Variants in BCL11B observed in about 807,000 individuals in gnomAD.
BCL11B encodes the protein B-cell lymphoma/leukemia 11B.
Under a neutral mutation model 49.9 loss-of-function variants are expected in BCL11B, and 8 were observed. The ratio of observed to expected loss-of-function variants is 0.16; its 90% CI spans 0.09 to 0.29. The LOEUF (loss-of-function observed/expected upper bound fraction) is 0.29, where lower values mean the gene tolerates loss of function less well. BCL11B is among the 10% of genes least tolerant of loss of function. The pLI, the probability that BCL11B is intolerant of heterozygous loss-of-function variation, is 1.00. For missense variants in BCL11B, 1,006 were observed against 1,351.0 expected (o/e 0.74, Z 4.00); for synonymous variants, 739 against 637.4 (o/e 1.16, Z -2.40).
chr14:99,173,810 A>T lies in BCL11B; in HGVS notation c.*341T>A, dbSNP rs927927561. On this transcript the variant is annotated 3_prime_UTR_variant, in exon 4 of 4. Transcript: ENST00000357195. ...TGCTCAGGCTACTACCGGGTTAAAA[A>T]AAAAACAAAGAAGGGATGGATACCC... The T allele has an allele frequency of 8.9e-6, 3 of 336,278 alleles. No homozygotes were observed. The highest frequency in any genetic ancestry group is 1.6e-5 in the Non-Finnish European group (3 of 182,360). The allele number at this position is 336,278 out of a possible 1,614,324, so 20.8% of individuals were successfully genotyped here.
intron 3 of BCL11B, among the ~76,000 whole-genome samples, chr14:99,217,436 T>C (rs1887885136): frequency 7.6e-6 from 1 of 131,420 alleles, no homozygotes; most frequent in Non-Finnish European, 1.6e-5. Flanking sequence ...ATTACGGGTC[T>C]GTGCCAGGCC....
Position 99,171,428 on chromosome 14 carries a change from CTTTTT to C in BCL11B, c.*2718_*2722del, listed in dbSNP as rs1886287118. On this transcript the variant is annotated 3_prime_UTR_variant, in exon 4 of 4. Coordinates refer to ENST00000357195, the MANE Select transcript of BCL11B (RefSeq NM_138576.4). ...GCCTGTTTGTTTTTGTTTTTTTTTT[CTTTTT>C]ATTTCCAAATTCACTAACAAAAAGG... 1 of 196,124 alleles carries C rather than the reference CTTTTT, an allele frequency of 5.1e-6. No individual in the cohort carries two copies. Among genetic ancestry groups the C allele is most frequent in the Non-Finnish European group, 1.0e-5 (1 of 98,042 alleles). 12.1% of individuals were successfully genotyped at this position (196,124 alleles called of 1,614,324 possible).
chr14:99,217,249 TACAC>T (rs1266760570), intron 3 of BCL11B, among the ~76,000 whole-genome samples: 1 of 152,072 alleles, frequency 6.6e-6, no homozygotes, highest in African/African-American at 2.4e-5. Flanking sequence ...CATCCACACA[TACAC>T]ATATGCTGAC....
intron 1 of BCL11B, among the ~76,000 whole-genome samples, chr14:99,260,005 T>C (rs754001490): frequency 2.0e-5 from 3 of 152,200 alleles, no homozygotes; most frequent in Non-Finnish European, 2.9e-5. Context: ...CAATTACATA[T>C]ACATAATTTC....
intron 3 of BCL11B, among the ~76,000 whole-genome samples, chr14:99,208,748 C>A (rs777307990): frequency 3.9e-5 from 6 of 152,254 alleles, no homozygotes; most frequent in Non-Finnish European, 8.8e-5. Context: ...GCAGCCGAGT[C>A]TGCGCAAAGG....
intron 3 of BCL11B, among the ~76,000 whole-genome samples, chr14:99,204,649 G>GT (rs1474881088): frequency 6.6e-6 from 1 of 152,204 alleles, no homozygotes; most frequent in African/African-American, 2.4e-5. Context: ...GGCCAGGCCA[G>GT]TGCTGGGCAT....
At chr14:99,207,811 G>C (rs1308044794) in intron 3 of BCL11B, among the ~76,000 whole-genome samples, 1 of 152,172 alleles carries the variant, frequency 6.6e-6, no homozygotes, top group East Asian at 1.9e-4. Context: ...GGAGCAAGGA[G>C]CCCAGTGGAG....
At chr14:99,188,663 T>C (rs1392421922) in intron 3 of BCL11B, among the ~76,000 whole-genome samples, 2 of 152,118 alleles carry the variant, frequency 1.3e-5, no homozygotes, top group Non-Finnish European at 2.9e-5. Flanking sequence ...AGGCTGGCCA[T>C]AGGGAGAGGT....
In BCL11B at chr14:99,228,631, C is replaced by A. The variant is rs551693039; in HGVS notation, c.640+2714G>T. Reference sequence around the variant, plus strand: ...GTTGCTCACAGGCTCTGAGTCCTGGCAGCTCTCAAGGCCTAAAATCTAAAA... The same window carrying A: ...GTTGCTCACAGGCTCTGAGTCCTGGAAGCTCTCAAGGCCTAAAATCTAAAA... On this transcript the variant is annotated intron_variant, in intron 3 of 3. Transcript: ENST00000357195. The surrounding 1 kb of genome is among the most constrained non-coding windows in gnomAD (Gnocchi z 4.8). Among the ~76,000 whole-genome samples the A allele has an allele frequency of 6.6e-6, 1 of 152,296 alleles. No individual in the cohort carries two copies. The highest frequency in any genetic ancestry group is 2.4e-5 in the African/African-American group (1 of 41,554).
intron 3 of BCL11B, among the ~76,000 whole-genome samples, chr14:99,217,099 C>A (rs1026337990): frequency 5.3e-5 from 8 of 152,124 alleles, no homozygotes; most frequent in African/African-American, 1.9e-4. Flanking sequence ...CATTCACACA[C>A]TGACATGCAA....
chr14:99,238,297 G>C (rs1194400759), intron 2 of BCL11B, among the ~76,000 whole-genome samples: 1 of 152,084 alleles, frequency 6.6e-6, no homozygotes, highest in Non-Finnish European at 1.5e-5. Context: ...GATTGGAAAG[G>C]GAACATCCTC....
At chr14:99,233,380 T>C (rs537345093) in intron 2 of BCL11B, among the ~76,000 whole-genome samples, 1 of 152,180 alleles carries the variant, frequency 6.6e-6, no homozygotes, top group Non-Finnish European at 1.5e-5. Context: ...ATGCTCTGCT[T>C]CCCTCTAGGG....
intron 2 of BCL11B, among the ~76,000 whole-genome samples, chr14:99,236,326 A>C (rs920553852): frequency 5.3e-5 from 8 of 152,206 alleles, no homozygotes; most frequent in African/African-American, 1.9e-4. Context: ...AATGCTAAGT[A>C]TTAAGAGCGT....
At position 99,192,931 on chromosome 14, in the gene BCL11B, GAGTAAATT is replaced by G. The variant is rs1887077173; in HGVS notation, c.641-16744_641-16737del. 6.8e-6 allele frequency among the ~76,000 whole-genome samples: 1 copy of G among 147,064 alleles called. No homozygotes were observed. Among genetic ancestry groups the G allele is most frequent in the African/African-American group, 2.5e-5 (1 of 40,068 alleles). On this transcript the variant is annotated intron_variant, in intron 3 of 3. Coordinates refer to ENST00000357195, the MANE Select transcript of BCL11B (RefSeq NM_138576.4). This position sits in a 1 kb window ranked among gnomAD's most constrained non-coding sequence, Gnocchi z 4.0. ...TGGATAAAAGAGTGAATGAATGAATGAGTAAATTAGTGAATAAGTGAATAAGTGAATGA... is the reference window on the plus strand; with the variant it reads ...TGGATAAAAGAGTGAATGAATGAATGAGTGAATAAGTGAATAAGTGAATGA...
intron 3 of BCL11B, among the ~76,000 whole-genome samples, chr14:99,186,700 G>T (rs554925382): frequency 6.6e-6 from 1 of 152,318 alleles, no homozygotes; most frequent in African/African-American, 2.4e-5. Context: ...AAATTCCATT[G>T]CTGTAAATCC....
chr14:99,217,017 C>T (rs1276130150), intron 3 of BCL11B, among the ~76,000 whole-genome samples: 1 of 152,122 alleles, frequency 6.6e-6, no homozygotes, highest in African/African-American at 2.4e-5. Context: ...TGCACATATG[C>T]TCTCACATCT....
rs1888694804 is a variant in BCL11B, at chr14:99,242,319, G to A, written c.428-10762C>T. Among the ~76,000 whole-genome samples, 1 of 152,206 alleles carries A rather than the reference G, an allele frequency of 6.6e-6. No individual in the cohort carries two copies. Among genetic ancestry groups the A allele is most frequent in the African/African-American group, 2.4e-5 (1 of 41,442 alleles). ...TTCCCTACCTTTTCTCGCAAACCAT[G>A]TGGGCTGGGTACAGCGACAGGCGGA... On this transcript the variant is annotated intron_variant, in intron 2 of 3. Transcript: ENST00000357195. The surrounding 1 kb of genome is among the most constrained non-coding windows in gnomAD (Gnocchi z 4.4).
At position 99,175,113 on chromosome 14, in the gene BCL11B, C is replaced by G; in HGVS notation, c.1723G>C (p.Gly575Arg). Residue 575 changes from glycine to arginine, a missense_variant, in exon 4 of 4, where the codon GGG (glycine) becomes CGG (arginine). This residue lies in a region of BCL11B where 443 missense variants were observed against 499.7 expected (regional missense o/e 0.89). Coordinates refer to ENST00000357195, the MANE Select transcript of BCL11B (RefSeq NM_138576.4). ...GCGCCGCCCCCCGCGCCCGGGACCC[C>G]GGGCACCCCACCACCGCCGTTCTCG... ...NRENGGGGVP[G>R]VPGAGGGAAK... The G allele has an allele frequency of 6.3e-7, 1 of 1,593,708 alleles. No homozygotes were observed. The highest frequency in any genetic ancestry group is 8.5e-7 in the Non-Finnish European group (1 of 1,172,328).
chr14:99,229,090 A>AGATG (rs1313529961), intron 3 of BCL11B, among the ~76,000 whole-genome samples: 5 of 66,632 alleles, frequency 7.5e-5, no homozygotes, highest in Admixed American at 6.2e-4. Flanking sequence ...ATGGATGGAT[A>AGATG]GATGGATGGA....
Sources: allele counts gnomAD v4.1 joint callset (sites outside exome capture counted in the v4.1 genomes callset), GRCh38; gene constraint gnomAD v4.1.1; regional missense constraint gnomAD v4.1.1; non-coding constraint Gnocchi (gnomAD v3.1); transcripts MANE v1.5; gene names NCBI Gene and HGNC (gene_info 2026-07-23, HGNC 2026-07-21).